The following CEMIP variants were observed in gnomAD, a reference collection of about 807,000 sequenced individuals.
The protein encoded by CEMIP is cell migration-inducing and hyaluronan-binding protein.
A neutral mutation model predicts 156.9 loss-of-function variants in CEMIP; 105 were observed. The ratio of observed to expected loss-of-function variants is 0.67; its 90% CI spans 0.57 to 0.79. The LOEUF is 0.79. Ranked by LOEUF, CEMIP falls within the 30% of genes least tolerant of loss-of-function variation. The pLI, the probability that CEMIP is intolerant of heterozygous loss-of-function variation, is 0.00. For missense variants in CEMIP, 1,457 were observed against 1,769.4 expected, an observed-to-expected ratio of 0.82 and a Z score of 3.17; for synonymous variants, 676 against 668.4, an observed-to-expected ratio of 1.01 and a Z score of -0.17.
chr15:80,884,770 C>T (rs1003647732), intron 7 of CEMIP, among the ~76,000 whole-genome samples: 2 of 152,130 alleles, frequency 1.3e-5, no homozygotes, highest in Non-Finnish European at 2.9e-5. Flanking sequence ...AGGCAAATGA[C>T]CAAGGAGAAG....
intron 1 of CEMIP, among the ~76,000 whole-genome samples, chr15:80,846,066 A>G (rs1222109445): frequency 6.6e-6 from 1 of 152,176 alleles, no homozygotes; most frequent in Non-Finnish European, 1.5e-5. Flanking sequence ...CACCCACCTC[A>G]GTGTAAATCT....
chr15:80,793,358 A>G (rs143454867), intron 1 of CEMIP, among the ~76,000 whole-genome samples: 156 of 152,310 alleles, frequency 1.0e-3, no homozygotes, highest in African/African-American at 3.7e-3. Context: ...GTCATTATGC[A>G]TAACTACACA....
At chr15:80,793,180 T>A (rs75389990) in intron 1 of CEMIP, among the ~76,000 whole-genome samples, 1,593 of 152,250 alleles carry the variant, frequency 0.01, 21 homozygotes, top group African/African-American at 0.035. Context: ...ATAGTGAAAT[T>A]TGAAGGGCAC....
At chr15:80,808,597 A>T (rs577674520) in intron 1 of CEMIP, among the ~76,000 whole-genome samples, 1 of 152,084 alleles carries the variant, frequency 6.6e-6, no homozygotes, top group Non-Finnish European at 1.5e-5. Flanking sequence ...GCCCATGAAA[A>T]TGTTATGGAA....
intron 5 of CEMIP, 62 bp from the exon 6 acceptor site, chr15:80,880,838 T>G: frequency 1.4e-6 from 2 of 1,397,434 alleles, no homozygotes; most frequent in Non-Finnish European, 2.0e-6. Context: ...AGGTTCCCTC[T>G]GGGTTCAGTA....
Position 80,936,706 on chromosome 15 carries a change from G to A in CEMIP, c.3042G>A (p.Leu1014=), listed in dbSNP as rs975061417. Residue 1014 remains leucine (L), a synonymous_variant, in exon 24 of 30, where the codon CTG becomes CTA. Transcript: ENST00000394685. ...TTCAAGCCTACAAGACCAGTAACCT[G>A]CGAATGAAGATCATCAAGAATGACT... ...MYIQAYKTSN[L]RMKIIKNDFP... 1.9e-6 allele frequency: 3 copies of A among 1,613,994 alleles called. No individual in the cohort carries two copies. Among genetic ancestry groups the A allele is most frequent in the Non-Finnish European group, 1.7e-6 (2 of 1,180,030 alleles).
In CEMIP at chr15:80,863,525, A is replaced by G. The variant is rs553607235; in HGVS notation, c.-175-10013A>G. Among the ~76,000 whole-genome samples the G allele has an allele frequency of 2.0e-5, 3 of 152,384 alleles. No individual in the cohort carries two copies. The South Asian group carries it at 6.2e-4, about 32-fold the overall frequency. ...AAGTTTAAAGAAGGGTTTGATGACT[A>G]TGATGTGGATGCAGAGGGAGAAGGA... On this transcript the variant is annotated intron_variant, in intron 1 of 29. Coordinates refer to ENST00000394685, the MANE Select transcript of CEMIP (RefSeq NM_001293298.2).
chr15:80,924,707 G>GTGA lies in CEMIP; in HGVS notation c.2288+2_2288+3insGAT, dbSNP rs1418990996. 1.2e-6 allele frequency: 2 copies of GTGA among 1,613,842 alleles called. No individual in the cohort carries two copies. Among genetic ancestry groups the GTGA allele is most frequent in the African/African-American group, 2.7e-5 (2 of 74,902 alleles). ...CGTTCCTCTCAATCATCTCTGCCAG[G>GTGA]TAATCAGCCATTGGGAAGACACAGT... On this transcript the variant is annotated splice_donor_variant, in intron 18 of 29. Transcript: ENST00000394685. LOFTEE classifies it high-confidence loss of function.
intron 21 of CEMIP, among the ~76,000 whole-genome samples, 162 bp from the exon 22 acceptor site, chr15:80,931,697 G>A (rs117564279): frequency 0.01 from 1,594 of 152,250 alleles, 10 homozygotes; most frequent in Non-Finnish European, 0.018. Context: ...GGGGCAGGGG[G>A]AGTTTCTAGA....
chr15:80,855,939 G>A (rs926994773), intron 1 of CEMIP, among the ~76,000 whole-genome samples: 10 of 152,176 alleles, frequency 6.6e-5, no homozygotes, highest in African/African-American at 2.4e-4. Context: ...GCCATTCTAG[G>A]AAATTATCTA....
intron 7 of CEMIP, among the ~76,000 whole-genome samples, chr15:80,886,321 G>T (rs533119351): frequency 6.6e-6 from 1 of 152,156 alleles, no homozygotes; most frequent in African/African-American, 2.4e-5. Context: ...CTGGAGGGGG[G>T]CGGGGGCAAA....
chr15:80,909,663 C>T (rs962050606), intron 14 of CEMIP: 9 of 464,132 alleles, frequency 1.9e-5, no homozygotes, highest in African/African-American at 4.0e-5. Context: ...TGCGAAGACC[C>T]GGCTGTGGTA....
chr15:80,934,330 G>A (rs1188402619), intron 23 of CEMIP, among the ~76,000 whole-genome samples: 1 of 152,186 alleles, frequency 6.6e-6, no homozygotes, highest in Non-Finnish European at 1.5e-5. Context: ...CAGATCCTGA[G>A]TCACAGTGGC....
rs532976029 is a variant in CEMIP at position 80,875,432 on chromosome 15, C to T, written c.94+1459C>T. Among the ~76,000 whole-genome samples the T allele has an allele frequency of 1.2e-4, 18 of 152,232 alleles. No individual in the cohort carries two copies. The South Asian group carries it at 2.9e-3, about 25-fold the overall frequency. On this transcript the variant is annotated intron_variant, in intron 3 of 29. Transcript: ENST00000394685. The stretch of plus-strand genomic sequence containing the variant: ...ATTTATTCAATTAACAAACACAAAG[C>T]GAGCATTGACTCTGCCAGGAACTGG...
At chr15:80,852,618 A>G (rs1247806312) in intron 1 of CEMIP, among the ~76,000 whole-genome samples, 1 of 152,064 alleles carries the variant, frequency 6.6e-6, no homozygotes, top group Non-Finnish European at 1.5e-5. Flanking sequence ...ATATATATAT[A>G]TATCATTTCT....
At chr15:80,842,071 T>A (rs756344430) in intron 1 of CEMIP, 1 of 530,904 alleles carries the variant, frequency 1.9e-6, no homozygotes, top group Non-Finnish European at 3.9e-6. Flanking sequence ...GAGTTGCATG[T>A]CTATCAGAAG....
rs561537586 is a variant in CEMIP, at chr15:80,784,327, A to G, written c.-176+4713A>G. On this transcript the variant is annotated intron_variant, in intron 1 of 29. Transcript: ENST00000394685. ...AGTTGTTCTGGCATGGAAGGTGTCC[A>G]TGCCAGATTGCTGTCTTACCTGTTT... Among the ~76,000 whole-genome samples the G allele has an allele frequency of 4.8e-4, 73 of 152,308 alleles. 2 individuals are homozygous for G. In the South Asian group the frequency reaches 0.015, roughly 31 times the overall value.
In CEMIP at chr15:80,937,969, G is replaced by A. The variant is rs151273972; in HGVS notation, c.3397G>A (p.Glu1133Lys). 3.0e-3 allele frequency: 4,870 copies of A among 1,613,702 alleles called. 13 individuals carry two copies. Among genetic ancestry groups the A allele is most frequent in the Non-Finnish European group, 3.7e-3 (4,343 of 1,179,812 alleles). The change falls in exon 25 of 30, where the codon GAG (glutamate) becomes AAG (lysine). Residue 1133 changes from glutamate to lysine, a missense_variant. Glu to Lys is a moderately conservative substitution (Grantham distance 56). Transcript: ENST00000394685. ...YPGRSHYYWDEDSGLLFLKLK... is the reference protein window; with the variant it reads ...YPGRSHYYWDKDSGLLFLKLK... ...TGGCAGGAGCCACTACTACTGGGAC[G>A]AGGACTCAGGGTGAGCAGGCGCCCA...
At chr15:80,794,069 C>G (rs2141585301) in intron 1 of CEMIP, among the ~76,000 whole-genome samples, 1 of 152,306 alleles carries the variant, frequency 6.6e-6, no homozygotes, top group East Asian at 1.9e-4. Flanking sequence ...AGTGGGACAA[C>G]TTGAGGTCAA....
Sources: allele counts gnomAD v4.1 joint callset (sites outside exome capture counted in the v4.1 genomes callset), GRCh38; gene constraint gnomAD v4.1.1; transcripts MANE v1.5; gene names NCBI Gene and HGNC (gene_info 2026-07-23, HGNC 2026-07-21).